The following BTBD7 variants were observed in gnomAD, a reference collection of about 807,000 sequenced individuals.
The protein encoded by BTBD7 is BTB/POZ domain-containing protein 7.
Under a neutral mutation model 99.9 loss-of-function variants are expected in BTBD7, and 38 were observed. The ratio of observed to expected loss-of-function variants is 0.38; its 90% CI spans 0.29 to 0.50. BTBD7 has a LOEUF of 0.50. Among genes scored for constraint, BTBD7 ranks in the 20% least tolerant of loss-of-function variants. The probability of loss-of-function intolerance (pLI) is 0.93; values close to 1 mark genes in which losing one functional copy is unlikely to be tolerated. For missense variants in BTBD7, 1,170 were observed against 1,394.6 expected (o/e 0.84, Z 2.57); for synonymous variants, 520 against 511.4 (o/e 1.02, Z -0.23).
Position 93,237,955 on chromosome 14 carries a change from C to T in BTBD7, c.*4318G>A, listed in dbSNP as rs959939048. On this transcript the variant is annotated 3_prime_UTR_variant, in exon 11 of 11. Transcript: ENST00000334746. ...GTGTTGTAGATGATTTTCCACCTCT[C>T]TGAAGTACAGATGTGGTGCATACAC... The T allele has an allele frequency of 6.6e-6, 1 of 152,512 alleles. No homozygotes were observed. The highest frequency in any genetic ancestry group is 2.4e-5 in the African/African-American group (1 of 41,440). 9.4% of individuals were successfully genotyped at this position (152,512 alleles called of 1,614,324 possible).
intron 1 of BTBD7, among the ~76,000 whole-genome samples, chr14:93,315,610 C>T (rs1316638611): frequency 6.6e-6 from 1 of 152,198 alleles, no homozygotes; most frequent in Non-Finnish European, 1.5e-5. Context: ...AATCTAATTT[C>T]TACCTCTATT....
intron 1 of BTBD7, among the ~76,000 whole-genome samples, chr14:93,326,206 C>T (rs1166075702): frequency 6.6e-6 from 1 of 152,200 alleles, no homozygotes; most frequent in African/African-American, 2.4e-5. Flanking sequence ...GTGGCTCACA[C>T]CTATAATCCC....
At chr14:93,279,228 A>T (rs1366443723) in intron 3 of BTBD7, among the ~76,000 whole-genome samples, 2 of 152,198 alleles carry the variant, frequency 1.3e-5, no homozygotes, top group Non-Finnish European at 2.9e-5. Context: ...TCTTTATCTT[A>T]TAGCCGTGTT....
In BTBD7 at chr14:93,245,535, T is replaced by C. The variant is rs551199010; in HGVS notation, c.2583+290A>G. Among the ~76,000 whole-genome samples, 387 of 152,364 alleles carry C rather than the reference T, an allele frequency of 2.5e-3. 1 individual carries two copies. The highest frequency in any genetic ancestry group is 8.9e-3 in the African/African-American group (371 of 41,592). ...ACAGAACATGAAACTGGTATATTCCTTTATGTTGCTCAGTAACCCCATTCC... is the reference window on the plus strand; with the variant it reads ...ACAGAACATGAAACTGGTATATTCCCTTATGTTGCTCAGTAACCCCATTCC... On this transcript the variant is annotated intron_variant, in intron 10 of 10. Coordinates refer to ENST00000334746, the MANE Select transcript of BTBD7 (RefSeq NM_001002860.4).
At chr14:93,293,740 A>G in intron 3 of BTBD7, 118 bp downstream of exon 3, 2 of 1,349,578 alleles carry the variant, frequency 1.5e-6, no homozygotes, top group Non-Finnish European at 2.0e-6. Flanking sequence ...GAAGGTTCAA[A>G]AAAACTGACC....
chr14:93,253,536 A>G, intron 7 of BTBD7, 111 bp downstream of exon 7: 1 of 963,684 alleles, frequency 1.0e-6, no homozygotes, highest in Non-Finnish European at 1.4e-6. Flanking sequence ...CATTTTCCCT[A>G]TTGTTGAAAA....
chr14:93,319,584 A>G (rs374089725), intron 1 of BTBD7, among the ~76,000 whole-genome samples: 1 of 152,206 alleles, frequency 6.6e-6, no homozygotes, highest in African/African-American at 2.4e-5. Flanking sequence ...ACCCAGAATG[A>G]TAAGTGAGTA....
At position 93,240,683 on chromosome 14, in the gene BTBD7, T is replaced by A. The variant is rs1210642118; in HGVS notation, c.*1590A>T. ...AAATACAAAGTAAATGCTCAAATAATGTTGAAGTGATTTAAAAACTCAAAT... is the reference window on the plus strand; with the variant it reads ...AAATACAAAGTAAATGCTCAAATAAAGTTGAAGTGATTTAAAAACTCAAAT... On this transcript the variant is annotated 3_prime_UTR_variant, in exon 11 of 11. Transcript: ENST00000334746. 1 of 152,570 alleles carries A rather than the reference T, an allele frequency of 6.6e-6. No individual in the cohort carries two copies. Among genetic ancestry groups the A allele is most frequent in the Non-Finnish European group, 1.5e-5 (1 of 68,030 alleles). The allele number at this position is 152,570 out of a possible 1,614,324, so 9.5% of individuals were successfully genotyped here.
chr14:93,302,664 G>C (rs11626179), intron 1 of BTBD7, among the ~76,000 whole-genome samples: 11,927 of 152,166 alleles, frequency 0.078, 993 homozygotes, highest in African/African-American at 0.21. Context: ...GACCAACATG[G>C]TGAAACCCTG....
rs1555386798 is a variant in BTBD7 at position 93,239,450 on chromosome 14, C to CA, written c.*2822_*2823insT. On this transcript the variant is annotated 3_prime_UTR_variant, in exon 11 of 11. Coordinates refer to ENST00000334746, the MANE Select transcript of BTBD7 (RefSeq NM_001002860.4). ...AAATTTTATTTTATATATATATATG[C>CA]TTTTTTTTTTTTTCTGAGAGCAACC... 7.0e-6 allele frequency: 1 copy of CA among 142,096 alleles called. No homozygotes were observed. Among genetic ancestry groups the CA allele is most frequent in the Non-Finnish European group, 1.5e-5 (1 of 64,888 alleles). 8.8% of individuals were successfully genotyped at this position (142,096 alleles called of 1,614,324 possible). A position where few individuals can be genotyped will look rare whatever the true frequency, so the allele number is the denominator to read the frequency against.
At position 93,332,868 on chromosome 14, in the gene BTBD7, C is replaced by A; in HGVS notation, c.-155G>T. The A allele has an allele frequency of 6.8e-7, 1 of 1,470,656 alleles. No homozygotes were observed. 91.1% of individuals were successfully genotyped at this position (1,470,656 alleles called of 1,614,324 possible). A position where few individuals can be genotyped will look rare whatever the true frequency, so the allele number is the denominator to read the frequency against. On this transcript the variant is annotated 5_prime_UTR_variant, in exon 1 of 11. Coordinates refer to ENST00000334746, the MANE Select transcript of BTBD7 (RefSeq NM_001002860.4). ...CTGCTGCCGCTGGGACCGCTGCCGT[C>A]GCCTCCGCCGCCGCCGCCACCAGCA...
rs2052899510 is a variant in BTBD7 at position 93,294,489 on chromosome 14, A to G, written c.531T>C (p.Tyr177=). The change falls in exon 3 of 11, where the codon TAT becomes TAC. Residue 177 remains tyrosine, a synonymous_variant. Coordinates refer to ENST00000334746, the MANE Select transcript of BTBD7 (RefSeq NM_001002860.4). ...TGATGTCCATTATTATCTCTGCCCC[A>G]TACTCTGGTGAGGAAGAAAGCAGTG... is the stretch of plus-strand genomic sequence containing the variant. The part of the protein sequence containing the change: ...FKTLLSSSPE[Y]GAEIIMDINT... 6.2e-7 allele frequency: 1 copy of G among 1,614,044 alleles called. No homozygotes were observed. Among genetic ancestry groups the G allele is most frequent in the Non-Finnish European group, 8.5e-7 (1 of 1,180,038 alleles).
intron 9 of BTBD7, 98 bp from the exon 10 acceptor site, chr14:93,246,384 A>C (rs1283519269): frequency 2.4e-6 from 3 of 1,249,782 alleles, no homozygotes; most frequent in Non-Finnish European, 3.2e-6. Flanking sequence ...ACTTAAGAAA[A>C]CCACAGTCAG....
At chr14:93,244,284 A>G in intron 10 of BTBD7, 1 of 254,906 alleles carries the variant, frequency 3.9e-6, no homozygotes, top group Non-Finnish European at 7.9e-6. Flanking sequence ...CTGAACCCAG[A>G]GAAGATAAGA....
At chr14:93,330,287 C>T (rs1350317963) in intron 1 of BTBD7, among the ~76,000 whole-genome samples, 4 of 152,226 alleles carry the variant, frequency 2.6e-5, no homozygotes, top group Non-Finnish European at 5.9e-5. Flanking sequence ...CTAACGAAAA[C>T]ATTCTCCTCA....
Position 93,242,919 on chromosome 14 carries a change from C to G in BTBD7, c.2753G>C (p.Arg918Thr). Reference protein sequence around the residue: ...PPQHLSCIPQRHTHTSRKKHT... With the variant: ...PPQHLSCIPQTHTHTSRKKHT... ...TTTTTTCCGAGAAGTGTGTGTATGT[C>G]TCTGTGGAATACACGACAGATGCTG... Residue 918 changes from arginine to threonine, a missense_variant, in exon 11 of 11, where the codon AGA (arginine) becomes ACA (threonine). Transcript: ENST00000334746. 1 of 1,613,990 alleles carries G rather than the reference C, an allele frequency of 6.2e-7. No homozygotes were observed. Among genetic ancestry groups the G allele is most frequent in the Admixed American group, 1.7e-5 (1 of 59,988 alleles).
intron 1 of BTBD7, among the ~76,000 whole-genome samples, chr14:93,330,037 C>A (rs1328573510): frequency 1.3e-5 from 2 of 152,196 alleles, no homozygotes; most frequent in Admixed American, 1.3e-4. Flanking sequence ...GGTCTAAGAT[C>A]TCCTATTTGG....
intron 10 of BTBD7, among the ~76,000 whole-genome samples, chr14:93,245,508 G>C (rs1233520948): frequency 6.6e-6 from 1 of 152,228 alleles, no homozygotes; most frequent in African/African-American, 2.4e-5. Flanking sequence ...ACCTGTGCTT[G>C]AACAGAACAT....
intron 1 of BTBD7, among the ~76,000 whole-genome samples, chr14:93,331,660 C>A (rs2053414602): frequency 6.6e-6 from 1 of 152,208 alleles, no homozygotes; most frequent in South Asian, 2.1e-4. Flanking sequence ...GCGGGCGGAT[C>A]ACCAGAGGTC....
Sources: gnomAD v4.1 joint callset for allele counts (sites outside exome capture counted in the v4.1 genomes callset) on GRCh38, gnomAD v4.1.1 for gene constraint, MANE v1.5 for transcripts, NCBI Gene and HGNC (gene_info 2026-07-23, HGNC 2026-07-21) for gene names.